IFT122: variants seen among roughly 807,000 people sequenced by gnomAD.
IFT122 encodes the protein intraflagellar transport 122, also known as intraflagellar transport protein 122 homolog.
IFT122 carries 118 observed loss-of-function variants against 161.6 expected under a neutral mutation model. That is an observed-to-expected ratio of 0.73 (90% CI 0.63 to 0.85). The LOEUF (loss-of-function observed/expected upper bound fraction) is 0.85, where lower values mean the gene tolerates loss of function less well. IFT122 is among the 40% of genes least tolerant of loss of function. IFT122 has a pLI of 0.00. For synonymous variants in IFT122, 550 were observed against 602.4 expected (o/e 0.91, Z 1.27); for missense variants, 1,381 against 1,579.6 (o/e 0.87, Z 2.13).
chr3:129,488,711 G>C (rs906473613), intron 16 of IFT122, among the ~76,000 whole-genome samples: 5 of 152,192 alleles, frequency 3.3e-5, no homozygotes, highest in Non-Finnish European at 1.5e-5. Context: ...CTTATTAGCT[G>C]TTCTCTGTGG....
chr3:129,504,420 A>G lies in IFT122; in HGVS notation c.2649A>G (p.Lys883=). 1 of 1,612,698 alleles carries G rather than the reference A, an allele frequency of 6.2e-7. No homozygotes were observed. Among genetic ancestry groups the G allele is most frequent in the Non-Finnish European group, 8.5e-7 (1 of 1,178,694 alleles). The change falls in exon 21 of 30, where the codon AAA becomes AAG. Residue 883 remains lysine, a splice_region_variant and synonymous_variant. Coordinates refer to ENST00000348417, the MANE Select transcript of IFT122 (RefSeq NM_052989.3). ...ACGATCGCTTTGAGGAAGCCCAGAAAGGTAGGCAACACAGACTGTCACCTT... is the reference window on the plus strand; with the variant it reads ...ACGATCGCTTTGAGGAAGCCCAGAAGGGTAGGCAACACAGACTGTCACCTT... ...AENDRFEEAQ[K]AFHKAGRQRE...
chr3:129,461,402 A>G, intron 5 of IFT122, 98 bp downstream of exon 5: 2 of 869,884 alleles, frequency 2.3e-6, no homozygotes, highest in Non-Finnish European at 3.9e-6. Context: ...ATCCTGAGAG[A>G]GTTAATACTA....
intron 1 of IFT122, among the ~76,000 whole-genome samples, chr3:129,443,493 G>A (rs969364762): frequency 1.3e-5 from 2 of 152,226 alleles, no homozygotes; most frequent in Non-Finnish European, 2.9e-5. Context: ...CATCTATAAG[G>A]AATTCTTGCC....
intron 1 of IFT122, among the ~76,000 whole-genome samples, chr3:129,448,400 A>G (rs10470431): frequency 0.34 from 52,161 of 152,114 alleles, 13,556 homozygotes; most frequent in African/African-American, 0.69. Context: ...CAAAAGATTG[A>G]TTGGATTGGT....
At chr3:129,502,984 C>A in intron 20 of IFT122, 102 bp downstream of exon 20, 2 of 1,085,182 alleles carry the variant, frequency 1.8e-6, no homozygotes, top group Non-Finnish European at 2.7e-6. Context: ...AGAGAAGCTG[C>A]CCTCGTGATG....
At chr3:129,441,134 T>C (rs2073025394) in intron 1 of IFT122, among the ~76,000 whole-genome samples, 1 of 152,238 alleles carries the variant, frequency 6.6e-6, no homozygotes, top group South Asian at 2.1e-4. Context: ...ATCTATAACA[T>C]AGCAGTCTGT....
At chr3:129,440,689 C>T (rs866931394) in intron 1 of IFT122, among the ~76,000 whole-genome samples, 6 of 152,262 alleles carry the variant, frequency 3.9e-5, no homozygotes, top group Admixed American at 3.3e-4. Context: ...TCAAGCTTCA[C>T]AGTTCTTGCC....
chr3:129,447,553 C>G (rs2074168594), intron 1 of IFT122, among the ~76,000 whole-genome samples: 2 of 152,166 alleles, frequency 1.3e-5, no homozygotes, highest in South Asian at 4.1e-4. Flanking sequence ...CTTGCTGTCA[C>G]CCAGGCTGGA....
At chr3:129,481,121 A>G (rs758292604) in intron 13 of IFT122, among the ~76,000 whole-genome samples, 6 of 152,168 alleles carry the variant, frequency 3.9e-5, no homozygotes, top group Non-Finnish European at 7.4e-5. Context: ...CATGATCACT[A>G]TCATCATTAT....
chr3:129,456,830 C>T (rs555247199), intron 3 of IFT122, among the ~76,000 whole-genome samples: 2 of 152,090 alleles, frequency 1.3e-5, no homozygotes, highest in East Asian at 1.9e-4. Context: ...GCAGGATAAT[C>T]GCTTGAACCC....
rs926215519 is a variant in IFT122, at chr3:129,467,127, G to T, written c.740+61G>T. 3.7e-5 allele frequency: 56 copies of T among 1,514,054 alleles called. 1 individual carries two copies. The South Asian group carries it at 6.2e-4, about 17-fold the overall frequency. The allele number at this position is 1,514,054 out of a possible 1,614,324, so 93.8% of individuals were successfully genotyped here. ...AAGGGCCCAGGCCCCACACAGACTTGCCAGGACAGATGTTAAACTCTTTGG... is the reference window on the plus strand; with the variant it reads ...AAGGGCCCAGGCCCCACACAGACTTTCCAGGACAGATGTTAAACTCTTTGG... On this transcript the variant is annotated intron_variant, in intron 8 of 29. Transcript: ENST00000348417.
intron 6 of IFT122, among the ~76,000 whole-genome samples, chr3:129,463,862 A>T (rs985542318): frequency 6.6e-6 from 1 of 152,228 alleles, no homozygotes; most frequent in Non-Finnish European, 1.5e-5. Context: ...AAGCCTCAAC[A>T]TCCAGCTATA....
chr3:129,517,383 A>G, intron 26 of IFT122, 86 bp from the exon 27 acceptor site: 2 of 1,573,910 alleles, frequency 1.3e-6, no homozygotes, highest in African/African-American at 2.7e-5. Flanking sequence ...TGGGTTGAGA[A>G]GCAACTCTGT....
chr3:129,510,785 G>A (rs1429705417), intron 23 of IFT122, among the ~76,000 whole-genome samples: 1 of 152,168 alleles, frequency 6.6e-6, no homozygotes, highest in Non-Finnish European at 1.5e-5. Flanking sequence ...TATTAATTGG[G>A]CCATTCCTTC....
chr3:129,441,350 G>A (rs3138325), intron 1 of IFT122, among the ~76,000 whole-genome samples: 1 of 152,090 alleles, frequency 6.6e-6, no homozygotes, highest in African/African-American at 2.4e-5. Flanking sequence ...CGTTGGAGAC[G>A]GGTCCTCTCT....
intron 22 of IFT122, among the ~76,000 whole-genome samples, chr3:129,507,167 T>C (rs1250638172): frequency 6.6e-6 from 1 of 152,240 alleles, no homozygotes. Flanking sequence ...CTTTGGTTGC[T>C]GGGAGCCTCA....
chr3:129,442,448 T>C (rs1344416049), intron 1 of IFT122, among the ~76,000 whole-genome samples: 1 of 152,088 alleles, frequency 6.6e-6, no homozygotes, highest in Non-Finnish European at 1.5e-5. Context: ...GGTTTTCTGG[T>C]TTTTGGCCCA....
intron 22 of IFT122, 139 bp from the exon 23 acceptor site, chr3:129,507,529 C>G: frequency 1.3e-6 from 1 of 761,578 alleles, no homozygotes; most frequent in Non-Finnish European, 2.4e-6. Context: ...CACTTTGTCC[C>G]TCACCCTGGC....
intron 9 of IFT122, among the ~76,000 whole-genome samples, chr3:129,473,220 A>G (rs1233134283): frequency 6.6e-6 from 1 of 152,204 alleles, no homozygotes; most frequent in Non-Finnish European, 1.5e-5. Context: ...AGTATTCTCA[A>G]GCTGAGGAGT....
Sources: gnomAD v4.1 joint callset for allele counts (sites outside exome capture counted in the v4.1 genomes callset) on GRCh38, gnomAD v4.1.1 for gene constraint, MANE v1.5 for transcripts, NCBI Gene and HGNC (gene_info 2026-07-23, HGNC 2026-07-21) for gene names.